TTYH1: variants seen among roughly 807,000 people sequenced by gnomAD.
TTYH1 encodes the protein tweety family member 1.
TTYH1 carries 33 observed loss-of-function variants against 61.2 expected under a neutral mutation model. That is an observed-to-expected ratio of 0.54 (90% CI 0.41 to 0.72). The LOEUF (loss-of-function observed/expected upper bound fraction) is 0.72, where lower values mean the gene tolerates loss of function less well. Among genes scored for constraint, TTYH1 ranks in the 30% least tolerant of loss-of-function variants. The pLI is 0.00. For missense variants in TTYH1, 538 were observed against 575.8 expected, an observed-to-expected ratio of 0.93 and a Z score of 0.67; for synonymous variants, 308 against 266.4, an observed-to-expected ratio of 1.16 and a Z score of -1.52.
At position 54,420,253 on chromosome 19, in the gene TTYH1, C is replaced by T. The variant is rs2083181594; in HGVS notation, c.305+947C>T. Among the ~76,000 whole-genome samples the T allele has an allele frequency of 6.6e-6, 1 of 152,168 alleles. No individual in the cohort carries two copies. Among genetic ancestry groups the T allele is most frequent in the South Asian group, 2.1e-4 (1 of 4,832 alleles). On this transcript the variant is annotated intron_variant, in intron 2 of 13. Coordinates refer to ENST00000376530, the MANE Select transcript of TTYH1 (RefSeq NM_020659.4). This position sits in a 1 kb window ranked among gnomAD's most constrained non-coding sequence, Gnocchi z 4.8. ...ACGGGGGGTCCCAGAGGGCCAGACG[C>T]CTGCCCCGGACCCACAGCGGGCAAG...
Position 54,415,777 on chromosome 19 carries a change from C to T in TTYH1, c.126+99C>T. 1.6e-6 allele frequency: 2 copies of T among 1,287,602 alleles called. No homozygotes were observed. Among genetic ancestry groups the T allele is most frequent in the Non-Finnish European group, 2.0e-6 (2 of 979,778 alleles). 79.8% of individuals were successfully genotyped at this position (1,287,602 alleles called of 1,614,324 possible). A position where few individuals can be genotyped will look rare whatever the true frequency, so the allele number is the denominator to read the frequency against. On this transcript the variant is annotated intron_variant, in intron 1 of 13. Transcript: ENST00000376530. The surrounding 1 kb of genome is among the most constrained non-coding windows in gnomAD (Gnocchi z 5.2). Reference sequence around the variant, plus strand: ...TGGGTCACAGATTTCCTGAGCTCCGCCGGAGGCTGGGGGCCGGCCCGGACT... The same window carrying T: ...TGGGTCACAGATTTCCTGAGCTCCGTCGGAGGCTGGGGGCCGGCCCGGACT...
Position 54,426,705 on chromosome 19 carries a change from A to T in TTYH1, c.671A>T (p.Glu224Val). The part of the protein sequence containing the change: ...WLAYVLLLLL[E>V]LLVCLFTLLG... Reference sequence around the variant, plus strand: ...GCCTACGTCCTCCTGCTGCTCCTGGAGCTGCTGGTCTGCCTCTTCACCCTC... The same window carrying T: ...GCCTACGTCCTCCTGCTGCTCCTGGTGCTGCTGGTCTGCCTCTTCACCCTC... The change falls in exon 5 of 14, where the codon GAG becomes GTG. Residue 224 changes from glutamate to valine, a missense_variant. Around this residue, in one of 3 missense-constraint regions of TTYH1, gnomAD observed 378 missense variants for 401.2 expected, o/e 0.94. Coordinates refer to ENST00000376530, the MANE Select transcript of TTYH1 (RefSeq NM_020659.4). 6.2e-7 allele frequency: 1 copy of T among 1,613,962 alleles called. No individual in the cohort carries two copies.
chr19:54,430,983 G>T (rs1409238226), intron 9 of TTYH1, 78 bp downstream of exon 9: 39 of 1,556,362 alleles, frequency 2.5e-5, no homozygotes, highest in Non-Finnish European at 2.9e-5. Flanking sequence ...GTGGGGCGTA[G>T]GCGGGGCTGC....
At chr19:54,417,319 A>G (rs111890682) in intron 1 of TTYH1, among the ~76,000 whole-genome samples, 3,511 of 151,544 alleles carry the variant, frequency 0.023, 101 homozygotes, top group African/African-American at 0.06. Flanking sequence ...TCACATGCAC[A>G]CACTCAGACA....
chr19:54,421,322 T>C lies in TTYH1; in HGVS notation c.351T>C (p.Asp117=). 1.9e-6 allele frequency: 3 copies of C among 1,613,744 alleles called. No homozygotes were observed. Among genetic ancestry groups the C allele is most frequent in the East Asian group, 2.2e-5 (1 of 44,880 alleles). ...IGFYGNSETS[D]GVSQLSSALL... is the part of the protein sequence containing the mutation. ...TCTATGGCAACAGTGAGACCAGTGA[T>C]GGGGTGTCCCAGCTCAGCTCTGCGC... Residue 117 remains aspartate, a synonymous_variant, in exon 3 of 14, where the codon GAT becomes GAC. Transcript: ENST00000376530. This position sits in a 1 kb window ranked among gnomAD's most constrained non-coding sequence, Gnocchi z 4.8.
At position 54,419,299 on chromosome 19, in the gene TTYH1, G is replaced by A. The variant is rs1439547388; in HGVS notation, c.298G>A (p.Ala100Thr). The change falls in exon 2 of 14, where the codon GCC becomes ACC. Residue 100 changes from alanine to threonine, a missense_variant. This residue lies in a region of TTYH1 where 157 missense variants were observed against 157.0 expected (regional missense o/e 1.00). Coordinates refer to ENST00000376530, the MANE Select transcript of TTYH1 (RefSeq NM_020659.4). This position sits in a 1 kb window ranked among gnomAD's most constrained non-coding sequence, Gnocchi z 6.1. ...CTGGAGCTGCATTGTCGCCCTTCTC[G>A]CCGGCTGGTAATGGGGCCCCAGGGT... ...VTWSCIVALL[A>T]GCTGIGIGFY... is the part of the protein sequence containing the mutation. 8 of 1,597,740 alleles carry A rather than the reference G, an allele frequency of 5.0e-6. No homozygotes were observed. The highest frequency in any genetic ancestry group is 3.4e-5 in the Admixed American group (2 of 59,606).
rs1419811692 is a variant in TTYH1, at chr19:54,429,877, C to T, written c.808-5C>T. 8.1e-6 allele frequency: 13 copies of T among 1,613,580 alleles called. No individual in the cohort carries two copies. The highest frequency in any genetic ancestry group is 2.2e-5 in the East Asian group (1 of 44,876). On this transcript the variant is annotated splice_polypyrimidine_tract_variant and splice_region_variant and intron_variant, in intron 6 of 13. Coordinates refer to ENST00000376530, the MANE Select transcript of TTYH1 (RefSeq NM_020659.4). This position sits in a 1 kb window ranked among gnomAD's most constrained non-coding sequence, Gnocchi z 5.1. ...TTTGAGCCCCTTTTCTGCTGCCTCA[C>T]GCAGGGCCTCAGTGACTTCTGCTCC...
At chr19:54,426,925 G>C (rs2122908089) in intron 5 of TTYH1, among the ~76,000 whole-genome samples, 157 bp downstream of exon 5, 1 of 152,248 alleles carries the variant, frequency 6.6e-6, no homozygotes, top group South Asian at 2.1e-4. Flanking sequence ...GGGAGGCGGG[G>C]ACAGACCTGA....
Position 54,416,720 on chromosome 19 carries a change from G to T in TTYH1, c.126+1042G>T. The T allele has an allele frequency of 7.8e-7, 1 of 1,284,894 alleles. No individual in the cohort carries two copies. The allele number at this position is 1,284,894 out of a possible 1,614,324, so 79.6% of individuals were successfully genotyped here. On this transcript the variant is annotated intron_variant, in intron 1 of 13. Coordinates refer to ENST00000376530, the MANE Select transcript of TTYH1 (RefSeq NM_020659.4). The surrounding 1 kb of genome is among the most constrained non-coding windows in gnomAD (Gnocchi z 7.0). The stretch of plus-strand genomic sequence containing the variant: ...GTCACGGCTGGCACAGCCCTGAGCA[G>T]CTCTTCCCCGCCTGCTCCTCGCCGC...
chr19:54,415,797 C>T lies in TTYH1; in HGVS notation c.126+119C>T, dbSNP rs1336383472. 1.7e-6 allele frequency: 2 copies of T among 1,208,998 alleles called. No homozygotes were observed. Among genetic ancestry groups the T allele is most frequent in the Admixed American group, 3.1e-5 (1 of 31,940 alleles). 74.9% of individuals were successfully genotyped at this position (1,208,998 alleles called of 1,614,324 possible). On this transcript the variant is annotated intron_variant, in intron 1 of 13. Transcript: ENST00000376530. The surrounding 1 kb of genome is among the most constrained non-coding windows in gnomAD (Gnocchi z 5.2). ...CTCCGCCGGAGGCTGGGGGCCGGCCCGGACTTTGGGGTTTCGGAGGGAGGA... is the reference window on the plus strand; with the variant it reads ...CTCCGCCGGAGGCTGGGGGCCGGCCTGGACTTTGGGGTTTCGGAGGGAGGA...
At position 54,415,744 on chromosome 19, in the gene TTYH1, A is replaced by G; in HGVS notation, c.126+66A>G. 7.2e-7 allele frequency: 1 copy of G among 1,395,732 alleles called. No individual in the cohort carries two copies. The highest frequency in any genetic ancestry group is 9.4e-7 in the Non-Finnish European group (1 of 1,060,500). The allele number at this position is 1,395,732 out of a possible 1,614,324, so 86.5% of individuals were successfully genotyped here. ...CCGGAGCTCCTGGGTCCCGAGGGAG[A>G]AGGGGGCTGGGTCACAGATTTCCTG... On this transcript the variant is annotated intron_variant, in intron 1 of 13. Coordinates refer to ENST00000376530, the MANE Select transcript of TTYH1 (RefSeq NM_020659.4). The surrounding 1 kb of genome is among the most constrained non-coding windows in gnomAD (Gnocchi z 5.2).
At position 54,431,762 on chromosome 19, in the gene TTYH1, C is replaced by A. The variant is rs2083449940; in HGVS notation, c.1125+571C>A. On this transcript the variant is annotated intron_variant, in intron 10 of 13. Coordinates refer to ENST00000376530, the MANE Select transcript of TTYH1 (RefSeq NM_020659.4). ...CCCAGGAGGAAAGATATCTGGTGTCCTGCAGGCTCCAGTTTGGGCTCTGCC... is the reference window on the plus strand; with the variant it reads ...CCCAGGAGGAAAGATATCTGGTGTCATGCAGGCTCCAGTTTGGGCTCTGCC... 1.9e-5 allele frequency: 3 copies of A among 155,782 alleles called. No homozygotes were observed. The South Asian group carries it at 5.7e-4, about 30-fold the overall frequency. The allele number at this position is 155,782 out of a possible 1,614,324, so 9.6% of individuals were successfully genotyped here.
Position 54,435,638 on chromosome 19 carries a change from A to G in TTYH1, c.1222A>G (p.Thr408Ala). The G allele has an allele frequency of 6.2e-7, 1 of 1,612,060 alleles. No homozygotes were observed. The highest frequency in any genetic ancestry group is 1.1e-5 in the South Asian group (1 of 90,974). ...FSLLSAGALA[T>A]ALCSLPRAWA... ...CCTGCTGTCTGCAGGAGCGCTGGCC[A>G]CTGCCCTCTGCAGCCTGCCCCGAGC... The change falls in exon 11 of 14, where the codon ACT (threonine) becomes GCT (alanine). Residue 408 changes from threonine to alanine, a missense_variant. Coordinates refer to ENST00000376530, the MANE Select transcript of TTYH1 (RefSeq NM_020659.4).
chr19:54,432,876 C>T (rs1349240884), intron 10 of TTYH1: 1 of 152,234 alleles, frequency 6.6e-6, no homozygotes, highest in African/African-American at 2.4e-5. Context: ...TCGCATGGAT[C>T]TGAGCTTTCC....
rs3745431 is a variant in TTYH1, at chr19:54,419,353, A to T, written c.305+47A>T. 3.9e-6 allele frequency: 6 copies of T among 1,556,408 alleles called. No homozygotes were observed. Among genetic ancestry groups the T allele is most frequent in the African/African-American group, 1.3e-5 (1 of 74,336 alleles). ...TGGGCGGTGGGGACAGGGCTCCCCAAGCTCTTTGCTGGCCTTCCTGGGGGT... is the reference window on the plus strand; with the variant it reads ...TGGGCGGTGGGGACAGGGCTCCCCATGCTCTTTGCTGGCCTTCCTGGGGGT... On this transcript the variant is annotated intron_variant, in intron 2 of 13. Coordinates refer to ENST00000376530, the MANE Select transcript of TTYH1 (RefSeq NM_020659.4). This position sits in a 1 kb window ranked among gnomAD's most constrained non-coding sequence, Gnocchi z 6.1.
intron 1 of TTYH1, among the ~76,000 whole-genome samples, chr19:54,417,991 C>CA (rs926632347): frequency 2.7e-5 from 4 of 146,444 alleles, no homozygotes; most frequent in Non-Finnish European, 1.5e-5. Flanking sequence ...GAAACACAAA[C>CA]ACTGCACACA....
Position 54,421,162 on chromosome 19 carries a change from GC to G in TTYH1, c.306-114del. ...CCACGGGCTGGCCCAATGAGGTGGG[GC>G]TGAGATGGGAGGGGTGGATAAGAAG... On this transcript the variant is annotated intron_variant, in intron 2 of 13. Coordinates refer to ENST00000376530, the MANE Select transcript of TTYH1 (RefSeq NM_020659.4). The surrounding 1 kb of genome is among the most constrained non-coding windows in gnomAD (Gnocchi z 4.8). 1.4e-6 allele frequency: 1 copy of G among 695,150 alleles called. No individual in the cohort carries two copies. The highest frequency in any genetic ancestry group is 2.6e-6 in the Non-Finnish European group (1 of 390,078). The allele number at this position is 695,150 out of a possible 1,614,324, so 43.1% of individuals were successfully genotyped here. A position where few individuals can be genotyped will look rare whatever the true frequency, so the allele number is the denominator to read the frequency against.
rs571890188 is a variant in TTYH1, at chr19:54,427,821, C to T, written c.734+1053C>T. Among the ~76,000 whole-genome samples, 3 of 152,304 alleles carry T rather than the reference C, an allele frequency of 2.0e-5. 1 individual carries two copies. The highest frequency in any genetic ancestry group is 2.1e-4 in the South Asian group (1 of 4,830). On this transcript the variant is annotated intron_variant, in intron 5 of 13. Coordinates refer to ENST00000376530, the MANE Select transcript of TTYH1 (RefSeq NM_020659.4). ...AAGCCGCAGGACCACACTGATTTCA[C>T]AGCTCGCTCTACGCGCCCGACACTC...
At chr19:54,427,497 G>A (rs369048135) in intron 5 of TTYH1, among the ~76,000 whole-genome samples, 9 of 142,822 alleles carry the variant, frequency 6.3e-5, no homozygotes, top group South Asian at 4.5e-4. Context: ...CCAGCTACTC[G>A]GGAGGCTGAG....
Sources: gnomAD v4.1 joint callset for allele counts (sites outside exome capture counted in the v4.1 genomes callset) on GRCh38, gnomAD v4.1.1 for gene constraint, gnomAD v4.1.1 regional missense constraint, Gnocchi (gnomAD v3.1) non-coding constraint, MANE v1.5 for transcripts, NCBI Gene and HGNC (gene_info 2026-07-23, HGNC 2026-07-21) for gene names.